CTNNB1: variants seen among roughly 807,000 people sequenced by gnomAD.
CTNNB1 encodes the protein catenin beta 1, also known as catenin beta-1.
Under a neutral mutation model 82.5 loss-of-function variants are expected in CTNNB1, and 6 were observed. That is an observed-to-expected ratio of 0.07 (90% CI 0.04 to 0.14). The LOEUF (loss-of-function observed/expected upper bound fraction) is 0.14, where lower values mean the gene tolerates loss of function less well. Ranked by LOEUF, CTNNB1 falls within the 10% of genes least tolerant of loss-of-function variation. The pLI is 1.00. For synonymous variants in CTNNB1, 312 were observed against 329.7 expected, an observed-to-expected ratio of 0.95 and a Z score of 0.58; for missense variants, 529 against 980.4, an observed-to-expected ratio of 0.54 and a Z score of 6.15.
chr3:41,237,941 T>TA (rs990960935), intron 13 of CTNNB1, 75 bp from the exon 14 acceptor site: 20 of 1,245,526 alleles, frequency 1.6e-5, no homozygotes, highest in East Asian at 7.0e-5. Context: ...AAGTATGCTT[T>TA]AAAAAAAATT....
At chr3:41,221,634 G>A (rs920794270) in intron 1 of CTNNB1, 6 of 152,098 alleles carry the variant, frequency 3.9e-5, no homozygotes, top group Non-Finnish European at 8.8e-5. Context: ...CGCCTGGCTT[G>A]TTTACCTAAA....
intron 10 of CTNNB1, chr3:41,235,190 T>C (rs1203141464): frequency 1.3e-5 from 2 of 156,108 alleles, no homozygotes; most frequent in African/African-American, 4.8e-5. Context: ...GAGAAACAGA[T>C]GGTACTTACA....
chr3:41,231,850 T>C (rs1383908899), intron 7 of CTNNB1, among the ~76,000 whole-genome samples: 1 of 152,184 alleles, frequency 6.6e-6, no homozygotes, highest in Non-Finnish European at 1.5e-5. Context: ...AATCATAGAA[T>C]GTAATAATAT....
chr3:41,233,979 A>G (rs1295512850), intron 9 of CTNNB1, 112 bp downstream of exon 9: 3 of 1,417,844 alleles, frequency 2.1e-6, no homozygotes, highest in Non-Finnish European at 3.0e-6. Flanking sequence ...TGTATTCCTT[A>G]GTAAGTAGGA....
Position 41,224,731 on chromosome 3 carries a change from C to T in CTNNB1, c.219C>T (p.Ser73=), listed in dbSNP as rs1312319524. ...LYEWEQGFSQ[S]FTQEQVADID... is the part of the protein sequence containing the mutation. The stretch of plus-strand genomic sequence containing the variant: ...AGTGGGAACAGGGATTTTCTCAGTC[C>T]TTCACTCAAGAACAAGTAGCTGGTA... The change falls in exon 3 of 15, where the codon TCC becomes TCT. Residue 73 remains serine, a synonymous_variant. Transcript: ENST00000349496. 2 of 1,613,842 alleles carry T rather than the reference C, an allele frequency of 1.2e-6. No homozygotes were observed. The highest frequency in any genetic ancestry group is 2.2e-5 in the East Asian group (1 of 44,876).
intron 7 of CTNNB1, among the ~76,000 whole-genome samples, chr3:41,228,070 C>CT (rs545038082): frequency 6.4e-4 from 97 of 152,216 alleles, no homozygotes; most frequent in Non-Finnish European, 1.1e-3. Context: ...TTTATGGCTG[C>CT]TTAGTATTCC....
intron 1 of CTNNB1, among the ~76,000 whole-genome samples, chr3:41,212,389 A>G (rs780326080): frequency 6.6e-6 from 1 of 152,000 alleles, no homozygotes; most frequent in Non-Finnish European, 1.5e-5. Flanking sequence ...TCCTATGTAT[A>G]TGGTTCCACT....
intron 1 of CTNNB1, among the ~76,000 whole-genome samples, chr3:41,202,377 T>G (rs2077551418): frequency 6.6e-6 from 1 of 152,226 alleles, no homozygotes; most frequent in African/African-American, 2.4e-5. Flanking sequence ...CTGGACAAAC[T>G]TCTAACAAAA....
At chr3:41,217,261 C>T (rs1436688039) in intron 1 of CTNNB1, among the ~76,000 whole-genome samples, 1 of 152,160 alleles carries the variant, frequency 6.6e-6, no homozygotes, top group African/African-American at 2.4e-5. Flanking sequence ...CAGGCCTTCC[C>T]TGACCACCCA....
rs750241502 is a variant in CTNNB1, at chr3:41,227,276, A to G, written c.1005A>G (p.Lys335=). ...TAATGAGGACCTATACTTACGAAAA[A>G]CTACTGTGGACCACAAGCAGAGTGC... ...VNIMRTYTYE[K]LLWTTSRVLK... Residue 335 remains lysine, a synonymous_variant, in exon 7 of 15, where the codon AAA becomes AAG. Coordinates refer to ENST00000349496, the MANE Select transcript of CTNNB1 (RefSeq NM_001904.4). 2.2e-5 allele frequency: 36 copies of G among 1,613,904 alleles called. 1 individual carries two copies. The South Asian group carries it at 3.8e-4, about 17-fold the overall frequency.
chr3:41,212,870 C>G (rs190330795), intron 1 of CTNNB1, among the ~76,000 whole-genome samples: 1 of 152,316 alleles, frequency 6.6e-6, no homozygotes, highest in East Asian at 1.9e-4. Flanking sequence ...CCTGTTGTTT[C>G]TACCTCCTAA....
chr3:41,240,086 G>C lies in CTNNB1; in HGVS notation c.*744G>C, dbSNP rs11708064. 1 of 143,828 alleles carries C rather than the reference G, an allele frequency of 7.0e-6. No individual in the cohort carries two copies. Among genetic ancestry groups the C allele is most frequent in the African/African-American group, 3.0e-5 (1 of 33,696 alleles). The allele number at this position is 143,828 out of a possible 1,614,324, so 8.9% of individuals were successfully genotyped here. On this transcript the variant is annotated 3_prime_UTR_variant, in exon 15 of 15. Coordinates refer to ENST00000349496, the MANE Select transcript of CTNNB1 (RefSeq NM_001904.4). ...TGCTACAGCAATTTCTAATTTTTAA[G>C]AATTGAGTAATGGTGTAGAACACTA...
chr3:41,220,474 A>G (rs2078021412), intron 1 of CTNNB1: 1 of 141,272 alleles, frequency 7.1e-6, no homozygotes, highest in Non-Finnish European at 1.5e-5. Context: ...ACCTGGAGTG[A>G]GTTGTAACTT....
At chr3:41,237,806 G>C in intron 13 of CTNNB1, 1 of 544,970 alleles carries the variant, frequency 1.8e-6, no homozygotes, top group Non-Finnish European at 3.3e-6. Flanking sequence ...ACAAGTCAGT[G>C]AGTATTTTTA....
chr3:41,224,453 T>A (rs1036891467), intron 2 of CTNNB1, 73 bp from the exon 3 acceptor site: 4 of 1,379,184 alleles, frequency 2.9e-6, no homozygotes, highest in Non-Finnish European at 4.1e-6. Flanking sequence ...ATGGGTCATA[T>A]CACAGATTCT....
At chr3:41,205,000 TA>T (rs1002577991) in intron 1 of CTNNB1, among the ~76,000 whole-genome samples, 2 of 152,242 alleles carry the variant, frequency 1.3e-5, no homozygotes, top group African/African-American at 4.8e-5. Context: ...CCCACATTTT[TA>T]AAGTTAGGAA....
At chr3:41,202,543 T>G (rs1227614195) in intron 1 of CTNNB1, among the ~76,000 whole-genome samples, 1 of 152,224 alleles carries the variant, frequency 6.6e-6, no homozygotes, top group Non-Finnish European at 1.5e-5. Flanking sequence ...ACCATAAAAG[T>G]AAATAGTAAA....
chr3:41,233,186 A>G, intron 7 of CTNNB1, 155 bp from the exon 8 acceptor site: 1 of 721,230 alleles, frequency 1.4e-6, no homozygotes. Flanking sequence ...AAACTGAGCA[A>G]CATTCTAGAA....
At chr3:41,234,381 T>A in intron 10 of CTNNB1, 84 bp downstream of exon 10, 1 of 1,371,232 alleles carries the variant, frequency 7.3e-7, no homozygotes, top group Non-Finnish European at 1.0e-6. Flanking sequence ...CTTTGGTCAT[T>A]GGTTCCCCCC....
Sources: gnomAD v4.1 joint callset for allele counts (sites outside exome capture counted in the v4.1 genomes callset) on GRCh38, gnomAD v4.1.1 for gene constraint, MANE v1.5 for transcripts, NCBI Gene and HGNC (gene_info 2026-07-23, HGNC 2026-07-21) for gene names.